Variants in ZNF439 observed in about 807,000 individuals in gnomAD.
ZNF439 encodes zinc finger protein 439.
ZNF439 carries 40 observed loss-of-function variants against 47.3 expected under a neutral mutation model. That is an observed-to-expected ratio of 0.85 (90% CI 0.66 to 1.10). The LOEUF (loss-of-function observed/expected upper bound fraction) is 1.10. Ranked by LOEUF, ZNF439 falls within the 50% of genes least tolerant of loss-of-function variation. The pLI, the probability that ZNF439 is intolerant of heterozygous loss-of-function variation, is 0.00. For synonymous variants in ZNF439, 171 were observed against 198.8 expected (o/e 0.86, Z 1.18); for missense variants, 556 against 601.1 (o/e 0.93, Z 0.78).
At position 11,867,530 on chromosome 19, in the gene ZNF439, G is replaced by T; in HGVS notation, c.476G>T (p.Gly159Val). ...GHKACECQEY[G>V]PKPWKSQQPK... ...AAGGCATGTGAATGTCAGGAATATGGACCAAAGCCATGGAAGAGTCAACAA... is the reference window on the plus strand; with the variant it reads ...AAGGCATGTGAATGTCAGGAATATGTACCAAAGCCATGGAAGAGTCAACAA... The change falls in exon 4 of 4, where the codon GGA (glycine) becomes GTA (valine). Residue 159 changes from glycine to valine, a missense_variant. By Grantham distance (109) the Gly-to-Val change is moderately radical. Coordinates refer to ENST00000682736, the MANE Select transcript of ZNF439 (RefSeq NM_001348719.2). 1 of 1,614,162 alleles carries T rather than the reference G, an allele frequency of 6.2e-7. No individual in the cohort carries two copies. Among genetic ancestry groups the T allele is most frequent in the South Asian group, 1.1e-5 (1 of 91,080 alleles).
Position 11,848,938 on chromosome 19 carries a change from T to A in ZNF439, c.63+8T>A, listed in dbSNP as rs1976148556. 6.4e-7 allele frequency: 1 copy of A among 1,559,806 alleles called. No individual in the cohort carries two copies. Among genetic ancestry groups the A allele is most frequent in the Non-Finnish European group, 8.7e-7 (1 of 1,146,146 alleles). On this transcript the variant is annotated splice_region_variant and intron_variant, in intron 1 of 3. Transcript: ENST00000682736. ...TCTGAAAGCCGGGAAATGGTGCGTG[T>A]GCTGGCCGGGAGTGGTGCGATGGGG...
chr19:11,863,971 G>T (rs928628815), intron 1 of ZNF439, among the ~76,000 whole-genome samples: 1 of 151,686 alleles, frequency 6.6e-6, no homozygotes, highest in Non-Finnish European at 1.5e-5. Flanking sequence ...TGATCTGTCC[G>T]CCTTGACCTC....
intron 1 of ZNF439, among the ~76,000 whole-genome samples, chr19:11,852,402 G>C (rs893307770): frequency 1.3e-5 from 2 of 152,238 alleles, no homozygotes; most frequent in Admixed American, 1.3e-4. Flanking sequence ...AGGTGTTCCA[G>C]CTGGCTATTT....
chr19:11,866,733 A>G (rs1018631194), intron 3 of ZNF439, 136 bp downstream of exon 3: 4 of 947,420 alleles, frequency 4.2e-6, no homozygotes, highest in African/African-American at 1.7e-5. Flanking sequence ...ATCTAAAAAT[A>G]TATATTTAAA....
At chr19:11,851,675 T>C (rs1976245539) in intron 1 of ZNF439, among the ~76,000 whole-genome samples, 1 of 152,136 alleles carries the variant, frequency 6.6e-6, no homozygotes, top group Non-Finnish European at 1.5e-5. Flanking sequence ...TTTTTTTTTT[T>C]TTGAGGCAAT....
At chr19:11,852,191 T>C (rs1011623035) in intron 1 of ZNF439, among the ~76,000 whole-genome samples, 7 of 152,118 alleles carry the variant, frequency 4.6e-5, no homozygotes, top group East Asian at 1.9e-4. Flanking sequence ...TTTGGGAGGC[T>C]GAGGCAGGTG....
At chr19:11,855,490 A>G (rs1046003218) in intron 1 of ZNF439, among the ~76,000 whole-genome samples, 1 of 152,168 alleles carries the variant, frequency 6.6e-6, no homozygotes, top group Non-Finnish European at 1.5e-5. Flanking sequence ...GCTACTGTTG[A>G]GTGACATCTC....
At position 11,848,792 on chromosome 19, in the gene ZNF439, T is replaced by C. The variant is rs1043771262; in HGVS notation, c.-76T>C. 3.4e-5 allele frequency: 47 copies of C among 1,394,458 alleles called. No individual in the cohort carries two copies. The highest frequency in any genetic ancestry group is 4.4e-5 in the Non-Finnish European group (46 of 1,054,648). 86.4% of individuals were successfully genotyped at this position (1,394,458 alleles called of 1,614,324 possible). ...ACCTTTGTCGCTGCGAGGGCGGCGG[T>C]TGGGATCTGGCCTTTCCAGCCCCGA... On this transcript the variant is annotated 5_prime_UTR_variant, in exon 1 of 4. Coordinates refer to ENST00000682736, the MANE Select transcript of ZNF439 (RefSeq NM_001348719.2).
intron 1 of ZNF439, among the ~76,000 whole-genome samples, chr19:11,861,152 T>G (rs1976529723): frequency 6.6e-6 from 1 of 152,216 alleles, no homozygotes; most frequent in South Asian, 2.1e-4. Flanking sequence ...CTTCAAGGGC[T>G]TGCAGTGAAA....
chr19:11,864,042 C>T (rs1976609064), intron 1 of ZNF439, among the ~76,000 whole-genome samples: 1 of 152,120 alleles, frequency 6.6e-6, no homozygotes, highest in Non-Finnish European at 1.5e-5. Context: ...TAGTGCCTCT[C>T]TTGCGATCAT....
At chr19:11,864,354 A>G (rs1599323292) in intron 1 of ZNF439, among the ~76,000 whole-genome samples, 1 of 152,090 alleles carries the variant, frequency 6.6e-6, no homozygotes, top group African/African-American at 2.4e-5. Context: ...CTAGAGTGCA[A>G]TGGTGGGATT....
At chr19:11,858,302 CA>C (rs33950344) in intron 1 of ZNF439, 259 of 139,984 alleles carry the variant, frequency 1.9e-3, no homozygotes, top group East Asian at 1.5e-3. Context: ...ACTAAAAATA[CA>C]AAAAAAAAAA....
Position 11,867,833 on chromosome 19 carries a change from C to T in ZNF439, c.779C>T (p.Ala260Val). 6.2e-7 allele frequency: 1 copy of T among 1,613,708 alleles called. No individual in the cohort carries two copies. Among genetic ancestry groups the T allele is most frequent in the Non-Finnish European group, 8.5e-7 (1 of 1,179,846 alleles). The change falls in exon 4 of 4, where the codon GCT (alanine) becomes GTT (valine). Residue 260 changes from alanine (A) to valine (V), a missense_variant. By Grantham distance (64) the Ala-to-Val change is moderately conservative. Coordinates refer to ENST00000682736, the MANE Select transcript of ZNF439 (RefSeq NM_001348719.2). ...TGTGGTAAATCTTTTAGTTATTCTG[C>T]TACCCATCGAATACATGAAAGAACT... ...KQCGKSFSYS[A>V]THRIHERTHI...
At position 11,868,840 on chromosome 19, in the gene ZNF439, C is replaced by A; in HGVS notation, c.*271C>A. 1 of 502,586 alleles carries A rather than the reference C, an allele frequency of 2.0e-6. No individual in the cohort carries two copies. 31.1% of individuals were successfully genotyped at this position (502,586 alleles called of 1,614,324 possible). A position where few individuals can be genotyped will look rare whatever the true frequency, so the allele number is the denominator to read the frequency against. On this transcript the variant is annotated 3_prime_UTR_variant, in exon 4 of 4. Coordinates refer to ENST00000682736, the MANE Select transcript of ZNF439 (RefSeq NM_001348719.2). Reference sequence around the variant, plus strand: ...TATGAATGTAAGAAATGTGGAAAAGCGTTCCATAATTTCTCTTCTTTTCAA... The same window carrying A: ...TATGAATGTAAGAAATGTGGAAAAGAGTTCCATAATTTCTCTTCTTTTCAA...
intron 1 of ZNF439, chr19:11,849,366 AC>A: frequency 2.3e-6 from 2 of 858,452 alleles, no homozygotes; most frequent in Non-Finnish European, 2.8e-6. Flanking sequence ...AATGAGAAAC[AC>A]CCGGTCCTGG....
At position 11,867,443 on chromosome 19, in the gene ZNF439, T is replaced by A; in HGVS notation, c.389T>A (p.Val130Glu). Residue 130 changes from valine to glutamate, a missense_variant, in exon 4 of 4, where the codon GTG (valine) becomes GAG (glutamate). By Grantham distance (121) the Val-to-Glu change is moderately radical. Coordinates refer to ENST00000682736, the MANE Select transcript of ZNF439 (RefSeq NM_001348719.2). ...SPEVKSCDSF[V>E]CEVGLGNSSS... ...GAAGTAAAATCATGTGACAGCTTTG[T>A]GTGTGAAGTTGGCCTAGGTAACTCA... The A allele has an allele frequency of 6.2e-7, 1 of 1,614,146 alleles. No individual in the cohort carries two copies. Among genetic ancestry groups the A allele is most frequent in the African/African-American group, 1.3e-5 (1 of 75,056 alleles).
rs71166640 is a variant in ZNF439 at position 11,865,712 on chromosome 19, CAAAAAAAAAAAAAAAAA to C, written c.64-481_64-465del. Among the ~76,000 whole-genome samples, 7 of 82,028 alleles carry C rather than the reference CAAAAAAAAAAAAAAAAA, an allele frequency of 8.5e-5. No individual in the cohort carries two copies. In the Admixed American group the frequency reaches 1.0e-3, roughly 12 times the overall value. 53.8% of individuals were successfully genotyped at this position (82,028 alleles called of 152,430 possible). On this transcript the variant is annotated intron_variant, in intron 1 of 3. Coordinates refer to ENST00000682736, the MANE Select transcript of ZNF439 (RefSeq NM_001348719.2). ...CAGCTGACAGAGCGATACACTATCACAAAAAAAAAAAAAAAAAAAAAAAAAAAATTGCTGTCTGGGTG... is the reference window on the plus strand; with the variant it reads ...CAGCTGACAGAGCGATACACTATCACAAAAAAAAAAATTGCTGTCTGGGTG...
At chr19:11,862,804 A>G (rs954914897) in intron 1 of ZNF439, among the ~76,000 whole-genome samples, 1 of 151,492 alleles carries the variant, frequency 6.6e-6, no homozygotes, top group African/African-American at 2.4e-5. Context: ...GCTGGAATGC[A>G]ATGGCGTGAT....
chr19:11,868,415 C>T lies in ZNF439; in HGVS notation c.1361C>T (p.Ser454Phe), dbSNP rs1374632518. 7 of 1,613,208 alleles carry T rather than the reference C, an allele frequency of 4.3e-6. No individual in the cohort carries two copies. Among genetic ancestry groups the T allele is most frequent in the East Asian group, 2.2e-5 (1 of 44,742 alleles). ...QCKECGKAFR[S>F]ASQLRIHRRI... The stretch of plus-strand genomic sequence containing the variant: ...AAGGAATGTGGGAAAGCTTTCAGAT[C>T]TGCCTCACAACTTCGAATCCATCGT... Residue 454 changes from serine (S) to phenylalanine (F), a missense_variant, in exon 4 of 4, where the codon TCT (serine) becomes TTT (phenylalanine). Transcript: ENST00000682736.
Sources: gnomAD v4.1 joint callset for allele counts (sites outside exome capture counted in the v4.1 genomes callset) on GRCh38, gnomAD v4.1.1 for gene constraint, MANE v1.5 for transcripts, NCBI Gene and HGNC (gene_info 2026-07-23, HGNC 2026-07-21) for gene names.